Variants in CRTC1 observed in about 807,000 individuals in gnomAD.
The protein encoded by CRTC1 is CREB regulated transcription coactivator 1.
Under a neutral mutation model 66.1 loss-of-function variants are expected in CRTC1, and 18 were observed. The ratio of observed to expected loss-of-function variants is 0.27; its 90% confidence interval spans 0.19 to 0.40. The LOEUF (loss-of-function observed/expected upper bound fraction) is 0.40, where lower values mean the gene tolerates loss of function less well. CRTC1 is among the 10% of genes least tolerant of loss of function. The pLI is 1.00. For synonymous variants in CRTC1, 416 were observed against 398.8 expected (o/e 1.04, Z -0.51); for missense variants, 669 against 887.9 (o/e 0.75, Z 3.13).
rs1168631643 is a variant in CRTC1, at chr19:18,768,221, C to T, written c.1012-264C>T. On this transcript the variant is annotated intron_variant, in intron 9 of 13. Coordinates refer to ENST00000321949, the MANE Select transcript of CRTC1 (RefSeq NM_015321.3). The surrounding 1 kb of genome is among the most constrained non-coding windows in gnomAD (Gnocchi z 5.6). Reference sequence around the variant, plus strand: ...GCAGCTGGTGGACTGGCCTGAGCTGCACGGCATGTAGTGCGGGTGCAGGCA... The same window carrying T: ...GCAGCTGGTGGACTGGCCTGAGCTGTACGGCATGTAGTGCGGGTGCAGGCA... Among the ~76,000 whole-genome samples the T allele has an allele frequency of 6.6e-6, 1 of 152,196 alleles. No homozygotes were observed. Among genetic ancestry groups the T allele is most frequent in the Non-Finnish European group, 1.5e-5 (1 of 68,020 alleles).
rs760159593 is a variant in CRTC1 at position 18,765,519 on chromosome 19, C to T, written c.1002C>T (p.Pro334=). The T allele has an allele frequency of 1.1e-5, 18 of 1,605,244 alleles. No individual in the cohort carries two copies. Among genetic ancestry groups the T allele is most frequent in the Non-Finnish European group, 1.4e-5 (16 of 1,178,440 alleles). ...CGCCCACCCTGTCCCCGCTGTCACCCATCACTCAGGTGCGAGGGCAAGGTG... is the reference window on the plus strand; with the variant it reads ...CGCCCACCCTGTCCCCGCTGTCACCTATCACTCAGGTGCGAGGGCAAGGTG... ...QASPTLSPLS[P]ITQAVAMDAL... The change falls in exon 9 of 14, where the codon CCC becomes CCT. Residue 334 remains proline, a synonymous_variant. Coordinates refer to ENST00000321949, the MANE Select transcript of CRTC1 (RefSeq NM_015321.3).
chr19:18,732,956 G>A (rs1335656381), intron 1 of CRTC1, among the ~76,000 whole-genome samples: 2 of 151,730 alleles, frequency 1.3e-5, no homozygotes. Flanking sequence ...GCGTGGTGGC[G>A]GGCACCTATA....
chr19:18,746,103 G>A (rs887921536), intron 3 of CRTC1, 143 bp downstream of exon 3: 1 of 1,213,636 alleles, frequency 8.2e-7, no homozygotes, highest in African/African-American at 1.5e-5. Flanking sequence ...TGGGAGGCTT[G>A]ATCTCAGGGC....
chr19:18,760,282 C>G lies in CRTC1; in HGVS notation c.886+54C>G. 2.9e-6 allele frequency: 4 copies of G among 1,378,480 alleles called. No homozygotes were observed. Among genetic ancestry groups the G allele is most frequent in the Non-Finnish European group, 4.0e-6 (4 of 1,002,152 alleles). 85.4% of individuals were successfully genotyped at this position (1,378,480 alleles called of 1,614,324 possible). Reference sequence around the variant, plus strand: ...AGAGCACTGGCTTGTGGAGACAACACGGGCATCTGCAGGATGACTTGGCAG... The same window carrying G: ...AGAGCACTGGCTTGTGGAGACAACAGGGGCATCTGCAGGATGACTTGGCAG... On this transcript the variant is annotated intron_variant, in intron 8 of 13. Coordinates refer to ENST00000321949, the MANE Select transcript of CRTC1 (RefSeq NM_015321.3). This position sits in a 1 kb window ranked among gnomAD's most constrained non-coding sequence, Gnocchi z 6.2.
At chr19:18,744,672 C>G (rs886275207) in intron 2 of CRTC1, among the ~76,000 whole-genome samples, 1 of 152,182 alleles carries the variant, frequency 6.6e-6, no homozygotes, top group Non-Finnish European at 1.5e-5. Flanking sequence ...ATGAATTGCC[C>G]CTACCCTGAG....
intron 6 of CRTC1, among the ~76,000 whole-genome samples, chr19:18,758,334 TGA>T (rs1243233329): frequency 1.4e-5 from 2 of 146,892 alleles, no homozygotes; most frequent in Non-Finnish European, 3.0e-5. Flanking sequence ...CACTCCAGCC[TGA>T]GAGACAGAGT....
intron 1 of CRTC1, among the ~76,000 whole-genome samples, chr19:18,684,277 TG>T (rs2052635299): frequency 6.6e-6 from 1 of 151,242 alleles, no homozygotes; most frequent in Admixed American, 6.6e-5. Context: ...ATGAGCTGGG[TG>T]CTGCTTGCAA....
At chr19:18,713,626 A>G (rs1453449455) in intron 1 of CRTC1, among the ~76,000 whole-genome samples, 3 of 129,554 alleles carry the variant, frequency 2.3e-5, no homozygotes, top group African/African-American at 9.2e-5. Flanking sequence ...GTGTTTCTGT[A>G]TGGCTCTGCA....
intron 3 of CRTC1, 42 bp downstream of exon 3, chr19:18,746,002 G>A: frequency 6.4e-7 from 1 of 1,570,768 alleles, no homozygotes; most frequent in Admixed American, 1.8e-5. Context: ...GCCAGGCCCT[G>A]TCGGTGCCGG....
intron 1 of CRTC1, among the ~76,000 whole-genome samples, chr19:18,712,354 G>T (rs1017722712): frequency 6.6e-6 from 1 of 152,084 alleles, no homozygotes; most frequent in African/African-American, 2.4e-5. Flanking sequence ...CACCTCCCGG[G>T]TTTAAGTGAT....
At chr19:18,753,475 CCTT>C (rs779653079) in intron 5 of CRTC1, 22 bp from the exon 6 acceptor site, 311 of 1,557,566 alleles carry the variant, frequency 2.0e-4, no homozygotes, top group Non-Finnish European at 2.5e-4. Context: ...CTCTGATTCT[CCTT>C]CTCCCCCTCC....
chr19:18,720,060 T>G (rs1056452307), intron 1 of CRTC1, among the ~76,000 whole-genome samples: 12 of 152,270 alleles, frequency 7.9e-5, no homozygotes, highest in Non-Finnish European at 1.6e-4. Flanking sequence ...GCAAAGGATC[T>G]GTTCCCCCAG....
chr19:18,753,400 C>A, intron 5 of CRTC1, 100 bp from the exon 6 acceptor site: 2 of 828,766 alleles, frequency 2.4e-6, no homozygotes, highest in Non-Finnish European at 4.0e-6. Flanking sequence ...CTTACCATGG[C>A]CATGACTCCG....
At chr19:18,749,495 G>A (rs535023959) in intron 4 of CRTC1, among the ~76,000 whole-genome samples, 1 of 152,220 alleles carries the variant, frequency 6.6e-6, no homozygotes, top group East Asian at 1.9e-4. Flanking sequence ...GAATTCCTGG[G>A]CTCAAGTGAT....
At position 18,775,794 on chromosome 19, in the gene CRTC1, A is replaced by G; in HGVS notation, c.1666A>G (p.Ser556Gly). 2.5e-6 allele frequency: 4 copies of G among 1,607,746 alleles called. No individual in the cohort carries two copies. The highest frequency in any genetic ancestry group is 3.4e-6 in the Non-Finnish European group (4 of 1,177,336). The change falls in exon 13 of 14, where the codon AGT becomes GGT. Residue 556 changes from serine to glycine, a missense_variant. Physicochemically the swap from Ser to Gly is moderately conservative, Grantham distance 56. Coordinates refer to ENST00000321949, the MANE Select transcript of CRTC1 (RefSeq NM_015321.3). ...GCAGCAACTGGGATACGCCAGCCAC[A>G]GTGGCATCCCCAACATCATCCTCAC... ...DSQQLGYASH[S>G]GIPNIILTVT...
chr19:18,778,874 A>G lies in CRTC1; in HGVS notation c.*1492A>G, dbSNP rs1003881585. The G allele has an allele frequency of 1.7e-5, 4 of 230,946 alleles. No homozygotes were observed. The highest frequency in any genetic ancestry group is 8.9e-5 in the African/African-American group (4 of 45,188). 14.3% of individuals were successfully genotyped at this position (230,946 alleles called of 1,614,324 possible). On this transcript the variant is annotated 3_prime_UTR_variant, in exon 14 of 14. Coordinates refer to ENST00000321949, the MANE Select transcript of CRTC1 (RefSeq NM_015321.3). ...CTAGCCCACACCCCCTCTCTTGGGC[A>G]GCGTGGTCTGCTGGCTGCCCCTTCT...
At chr19:18,718,623 G>A (rs2053558400) in intron 1 of CRTC1, among the ~76,000 whole-genome samples, 1 of 151,824 alleles carries the variant, frequency 6.6e-6, no homozygotes, top group Admixed American at 6.6e-5. Flanking sequence ...GATTACAAGT[G>A]TGAGCCACCG....
Position 18,768,530 on chromosome 19 carries a change from G to A in CRTC1, c.1057G>A (p.Ala353Thr), listed in dbSNP as rs771017931. ...ALSLEQQLPY[A>T]FFTQAGSQQP... ...GTCTCTGGAGCAGCAGCTGCCCTAC[G>A]CCTTCTTCACCCAGGCGGGCTCCCA... is the stretch of plus-strand genomic sequence containing the variant. The change falls in exon 10 of 14, where the codon GCC becomes ACC. Residue 353 changes from alanine to threonine, a missense_variant. Ala to Thr is a moderately conservative substitution (Grantham distance 58). This residue lies in a region of CRTC1 where 241 missense variants were observed against 242.2 expected (regional missense o/e 0.99). Transcript: ENST00000321949. The surrounding 1 kb of genome is among the most constrained non-coding windows in gnomAD (Gnocchi z 5.6). 1.2e-5 allele frequency: 19 copies of A among 1,609,190 alleles called. No homozygotes were observed. The highest frequency in any genetic ancestry group is 1.7e-4 in the Middle Eastern group (1 of 5,956).
Position 18,777,634 on chromosome 19 carries a change from C to CT in CRTC1, c.*253dup. ...ATCGGAGGCCGTGAGCCTCCCGCCCCTGCAGACCCTCCCTGCACTGGCTCC... is the reference window on the plus strand; with the variant it reads ...ATCGGAGGCCGTGAGCCTCCCGCCCCTTGCAGACCCTCCCTGCACTGGCTCC... On this transcript the variant is annotated 3_prime_UTR_variant, in exon 14 of 14. Coordinates refer to ENST00000321949, the MANE Select transcript of CRTC1 (RefSeq NM_015321.3). This position sits in a 1 kb window ranked among gnomAD's most constrained non-coding sequence, Gnocchi z 5.5. 1 of 509,164 alleles carries CT rather than the reference C, an allele frequency of 2.0e-6. No homozygotes were observed. Among genetic ancestry groups the CT allele is most frequent in the Non-Finnish European group, 3.5e-6 (1 of 288,178 alleles). The allele number at this position is 509,164 out of a possible 1,614,324, so 31.5% of individuals were successfully genotyped here.
Sources: gnomAD v4.1 joint callset for allele counts (sites outside exome capture counted in the v4.1 genomes callset) on GRCh38, gnomAD v4.1.1 for gene constraint, gnomAD v4.1.1 regional missense constraint, Gnocchi (gnomAD v3.1) non-coding constraint, MANE v1.5 for transcripts, NCBI Gene and HGNC (gene_info 2026-07-23, HGNC 2026-07-21) for gene names.